The following RSRC1 variants were observed in gnomAD, a reference collection of about 807,000 sequenced individuals.
RSRC1 encodes the protein serine/Arginine-related protein 53.
RSRC1 carries 39 observed loss-of-function variants against 49.1 expected under a neutral mutation model. The ratio of observed to expected loss-of-function variants is 0.79; its 90% confidence interval spans 0.61 to 1.04. RSRC1 has a LOEUF of 1.04. Ranked by LOEUF, RSRC1 falls within the 50% of genes least tolerant of loss-of-function variation. The pLI is 0.00. For synonymous variants in RSRC1, 143 were observed against 130.8 expected, an observed-to-expected ratio of 1.09 and a Z score of -0.63; for missense variants, 388 against 402.4, an observed-to-expected ratio of 0.96 and a Z score of 0.31.
intron 3 of RSRC1, among the ~76,000 whole-genome samples, chr3:158,189,631 C>A (rs972327194): frequency 5.3e-5 from 8 of 151,770 alleles, no homozygotes; most frequent in Non-Finnish European, 8.8e-5. Flanking sequence ...TTGAACACTT[C>A]TTTAGTTTAA....
At chr3:158,162,050 C>A (rs1000770744) in intron 3 of RSRC1, among the ~76,000 whole-genome samples, 16 of 152,064 alleles carry the variant, frequency 1.1e-4, no homozygotes, top group African/African-American at 3.4e-4. Context: ...AATGAAATAA[C>A]CATTTACTGA....
intron 6 of RSRC1, among the ~76,000 whole-genome samples, chr3:158,420,023 C>A (rs79448414): frequency 2.6e-5 from 4 of 151,810 alleles, no homozygotes; most frequent in Admixed American, 6.6e-5. Flanking sequence ...TCTCTCCCCC[C>A]ACTTCCTCCT....
intron 3 of RSRC1, among the ~76,000 whole-genome samples, chr3:158,156,855 A>G (rs1052861664): frequency 5.3e-5 from 8 of 152,218 alleles, no homozygotes; most frequent in Admixed American, 2.6e-4. Flanking sequence ...TAACAGATAC[A>G]ATAATAATGA....
intron 4 of RSRC1, among the ~76,000 whole-genome samples, chr3:158,281,427 G>A (rs571285642): frequency 1.8e-4 from 28 of 151,692 alleles, no homozygotes; most frequent in Middle Eastern, 6.8e-3. Context: ...GCACATGTAC[G>A]TATAGGTTGC....
At chr3:158,317,268 C>G (rs558869334) in intron 5 of RSRC1, among the ~76,000 whole-genome samples, 1 of 152,220 alleles carries the variant, frequency 6.6e-6, no homozygotes, top group East Asian at 1.9e-4. Context: ...TTACTCTGTC[C>G]TCCAGGCTGG....
chr3:158,386,916 A>C (rs543218275), intron 6 of RSRC1, among the ~76,000 whole-genome samples: 1 of 152,210 alleles, frequency 6.6e-6, no homozygotes, highest in African/African-American at 2.4e-5. Flanking sequence ...ATGGAAATAA[A>C]ATGAATATTT....
chr3:158,207,637 T>TTAGATAGATAGA (rs1553769118), intron 4 of RSRC1, among the ~76,000 whole-genome samples: 2,307 of 147,106 alleles, frequency 0.016, 52 homozygotes, highest in African/African-American at 0.047. Context: ...GTAACAGTAT[T>TTAGATAGATAGA]TAGATAGATA....
At chr3:158,379,836 A>ACACACACACACACC (rs1027981758) in intron 6 of RSRC1, among the ~76,000 whole-genome samples, 44 of 143,962 alleles carry the variant, frequency 3.1e-4, no homozygotes, top group Non-Finnish European at 1.7e-4. Flanking sequence ...ACACACACAC[A>ACACACACACACACC]CCCTCCCTCC....
At chr3:158,383,032 A>G (rs1047879344) in intron 6 of RSRC1, among the ~76,000 whole-genome samples, 2 of 152,200 alleles carry the variant, frequency 1.3e-5, no homozygotes, top group African/African-American at 4.8e-5. Flanking sequence ...TAAATTATTC[A>G]GAAATAGTAG....
At chr3:158,131,054 G>C (rs1273467295) in intron 3 of RSRC1, among the ~76,000 whole-genome samples, 1 of 151,928 alleles carries the variant, frequency 6.6e-6, no homozygotes, top group Non-Finnish European at 1.5e-5. Flanking sequence ...GGGCAAACTT[G>C]CCTTTTTTCC....
At chr3:158,159,215 A>T (rs1467135689) in intron 3 of RSRC1, among the ~76,000 whole-genome samples, 2 of 152,122 alleles carry the variant, frequency 1.3e-5, no homozygotes, top group African/African-American at 4.8e-5. Context: ...GTAAAAGTTC[A>T]CAACCAGTCA....
Position 158,354,783 on chromosome 3 carries a change from A to G in RSRC1, c.532-74A>G, listed in dbSNP as rs1731067100. 6.3e-6 allele frequency: 7 copies of G among 1,117,516 alleles called. No homozygotes were observed. In the South Asian group the frequency reaches 1.0e-4, roughly 17 times the overall value. The allele number at this position is 1,117,516 out of a possible 1,614,324, so 69.2% of individuals were successfully genotyped here. A position where few individuals can be genotyped will look rare whatever the true frequency, so the allele number is the denominator to read the frequency against. On this transcript the variant is annotated intron_variant, in intron 5 of 9. Transcript: ENST00000611884. ...CTAATATTTGCAAACAAATGCATTA[A>G]TTTAAAACTCCATCAATTAAAACTG...
intron 4 of RSRC1, among the ~76,000 whole-genome samples, chr3:158,236,668 A>C (rs1723264998): frequency 6.6e-6 from 1 of 152,222 alleles, no homozygotes; most frequent in Non-Finnish European, 1.5e-5. Flanking sequence ...ATTGATGAGT[A>C]GTATTCCATT....
intron 3 of RSRC1, among the ~76,000 whole-genome samples, chr3:158,187,791 A>C (rs536791300): frequency 2.0e-5 from 3 of 152,126 alleles, no homozygotes; most frequent in South Asian, 2.1e-4. Context: ...TTTTCCCCCC[A>C]AAAATAGTGT....
At chr3:158,203,365 GGAATAAAAAGAGA>G in intron 4 of RSRC1, 120 bp downstream of exon 4, 1 of 994,476 alleles carries the variant, frequency 1.0e-6, no homozygotes, top group East Asian at 2.8e-5. Flanking sequence ...AGAAGAAAAT[GGAATAAAAAGAGA>G]GAATACAGTA....
At chr3:158,117,352 A>C (rs541360769) in intron 1 of RSRC1, among the ~76,000 whole-genome samples, 15 of 152,364 alleles carry the variant, frequency 9.8e-5, no homozygotes, top group African/African-American at 3.6e-4. Context: ...ACTAGAGTGC[A>C]GTAGGGTGAT....
chr3:158,503,664 T>C (rs1430594165), intron 7 of RSRC1, among the ~76,000 whole-genome samples: 2 of 152,012 alleles, frequency 1.3e-5, no homozygotes, highest in Non-Finnish European at 2.9e-5. Context: ...GTTACGGAAG[T>C]AGGGGAGGGC....
intron 6 of RSRC1, among the ~76,000 whole-genome samples, chr3:158,355,379 T>G (rs550595644): frequency 6.6e-6 from 1 of 151,668 alleles, no homozygotes; most frequent in Non-Finnish European, 1.5e-5. Context: ...AACTTTATAT[T>G]TTATGGTTTT....
rs147033262 is a variant in RSRC1, at chr3:158,414,089, A to T, written c.584-46846A>T. The stretch of plus-strand genomic sequence containing the variant: ...GAATATAAATTATTCTCTTATAAAG[A>T]TACATGCACATGTATGTTCATGGCA... On this transcript the variant is annotated intron_variant, in intron 6 of 9. Coordinates refer to ENST00000611884, the MANE Select transcript of RSRC1 (RefSeq NM_001271838.2). Among the ~76,000 whole-genome samples, 1,465 of 152,314 alleles carry T rather than the reference A, an allele frequency of 9.6e-3. 15 individuals are homozygous for T. The highest frequency in any genetic ancestry group is 0.016 in the Non-Finnish European group (1,103 of 68,026).
Sources: gnomAD v4.1 joint callset for allele counts (sites outside exome capture counted in the v4.1 genomes callset) on GRCh38, gnomAD v4.1.1 for gene constraint, MANE v1.5 for transcripts, NCBI Gene and HGNC (gene_info 2026-07-23, HGNC 2026-07-21) for gene names.